Variants in SLC24A1 observed in about 807,000 individuals in gnomAD.
SLC24A1 encodes sodium/potassium/calcium exchanger 1.
Under a neutral mutation model 88.1 loss-of-function variants are expected in SLC24A1, and 52 were observed. The ratio of observed to expected loss-of-function variants is 0.59; its 90% CI spans 0.47 to 0.74. The LOEUF is 0.74. Among genes scored for constraint, SLC24A1 ranks in the 30% least tolerant of loss-of-function variants. SLC24A1 has a pLI of 0.00. For synonymous variants in SLC24A1, 455 were observed against 498.0 expected (o/e 0.91, Z 1.15); for missense variants, 1,173 against 1,363.3 (o/e 0.86, Z 2.20).
chr15:65,648,114 G>A (rs899230608), intron 6 of SLC24A1, among the ~76,000 whole-genome samples: 3 of 152,176 alleles, frequency 2.0e-5, no homozygotes, highest in Non-Finnish European at 4.4e-5. Context: ...CAAAAAATTA[G>A]CCAGGTGTGG....
rs1488449822 is a variant in SLC24A1, at chr15:65,644,528, AG to A, written c.2140+16del. On this transcript the variant is annotated intron_variant, in intron 5 of 9. Coordinates refer to ENST00000261892, the MANE Select transcript of SLC24A1 (RefSeq NM_004727.3). Reference sequence around the variant, plus strand: ...CAAACCAGAAGGTGAGAGGATGGCCAGACCAGTGGGTTTTCTCCTGCCCCCC... The same window carrying A: ...CAAACCAGAAGGTGAGAGGATGGCCAACCAGTGGGTTTTCTCCTGCCCCCC... The A allele has an allele frequency of 1.9e-6, 3 of 1,553,494 alleles. No individual in the cohort carries two copies. Among genetic ancestry groups the A allele is most frequent in the Non-Finnish European group, 2.6e-6 (3 of 1,144,552 alleles).
Position 65,625,801 on chromosome 15 carries a change from T to C in SLC24A1, c.1721T>C (p.Leu574Pro). 2.5e-6 allele frequency: 4 copies of C among 1,614,076 alleles called. No homozygotes were observed. The highest frequency in any genetic ancestry group is 3.4e-6 in the Non-Finnish European group (4 of 1,179,910). Residue 574 changes from leucine (L) to proline (P), a missense_variant, in exon 2 of 10, where the codon CTC (leucine) becomes CCC (proline). Leu to Pro is a moderately conservative substitution (Grantham distance 98). Coordinates refer to ENST00000261892, the MANE Select transcript of SLC24A1 (RefSeq NM_004727.3). ...ATCCTTGACCTGATAATGCTCATCC[T>C]CTTCTTCCTGGACAGCCTCATTGCC... ...FYILDLIMLILFFLDSLIAWW... is the reference protein window; with the variant it reads ...FYILDLIMLIPFFLDSLIAWW...
chr15:65,643,118 C>A, intron 4 of SLC24A1: 1 of 856,544 alleles, frequency 1.2e-6, no homozygotes, highest in Non-Finnish European at 1.7e-6. Flanking sequence ...CTGTTTTGAC[C>A]ATATTCATGT....
chr15:65,616,234 G>C (rs1359339081), intron 2 of SLC24A1, among the ~76,000 whole-genome samples: 1 of 152,052 alleles, frequency 6.6e-6, no homozygotes, highest in Non-Finnish European at 1.5e-5. Context: ...AATCCTTTGG[G>C]TATATATCCA....
intron 2 of SLC24A1, among the ~76,000 whole-genome samples, chr15:65,613,227 C>T (rs1019559345): frequency 6.6e-6 from 1 of 152,114 alleles, no homozygotes; most frequent in Admixed American, 6.5e-5. Context: ...TGCCTTGAAA[C>T]AGTGGACTGC....
intron 6 of SLC24A1, among the ~76,000 whole-genome samples, chr15:65,646,808 A>T (rs533857471): frequency 6.6e-6 from 1 of 152,218 alleles, no homozygotes; most frequent in Non-Finnish European, 1.5e-5. Flanking sequence ...GCTTGATTAT[A>T]TCTCATCCTT....
At position 65,654,307 on chromosome 15, in the gene SLC24A1, C is replaced by T; in HGVS notation, c.*228C>T. The T allele has an allele frequency of 1.5e-6, 2 of 1,346,060 alleles. No homozygotes were observed. The highest frequency in any genetic ancestry group is 1.9e-5 in the South Asian group (1 of 53,144). 83.4% of individuals were successfully genotyped at this position (1,346,060 alleles called of 1,614,324 possible). A position where few individuals can be genotyped will look rare whatever the true frequency, so the allele number is the denominator to read the frequency against. ...GGAGGGGTGGAGTTTCTACCCCTGA[C>T]TCATGCAGACATCTATTACATGGAG... On this transcript the variant is annotated 3_prime_UTR_variant, in exon 10 of 10. Transcript: ENST00000261892.
intron 7 of SLC24A1, among the ~76,000 whole-genome samples, chr15:65,651,362 A>G (rs2075498689): frequency 6.6e-6 from 1 of 152,200 alleles, no homozygotes; most frequent in African/African-American, 2.4e-5. Context: ...TGGTACAAGG[A>G]GGTTGCAAAA....
rs767508005 is a variant in SLC24A1 at position 65,625,691 on chromosome 15, CTT to C, written c.1613_1614del (p.Phe538CysfsTer23). On this transcript the variant is annotated frameshift_variant, in exon 2 of 10. Coordinates refer to ENST00000261892, the MANE Select transcript of SLC24A1 (RefSeq NM_004727.3). LOFTEE classifies it high-confidence loss of function. ...TGGGCTCTGCTGTGTTCAACATTCT[CTT>C]TGTCATTGGCACTTGTTCCCTCTTC... is the stretch of plus-strand genomic sequence containing the variant. ...IVGSAVFNIL[F>X]VIGTCSLFSR... The C allele has an allele frequency of 5.0e-6, 8 of 1,614,018 alleles. No homozygotes were observed. In the South Asian group the frequency reaches 7.7e-5, roughly 16 times the overall value.
At chr15:65,656,278 G>A, downstream of SLC24A1, 1 of 984,364 alleles carries the variant, frequency 1.0e-6, no homozygotes, top group Non-Finnish European at 1.2e-6. Context: ...TTCCCAGTTT[G>A]CTGAATTTCT....
chr15:65,660,196 A>C, downstream of SLC24A1: 1 of 956,304 alleles, frequency 1.0e-6, no homozygotes. Context: ...ATATGTGCCT[A>C]GCACCAGATT....
chr15:65,617,207 G>T (rs1256644720), upstream of SLC24A1, among the ~76,000 whole-genome samples: 1 of 152,162 alleles, frequency 6.6e-6, no homozygotes, highest in Non-Finnish European at 1.5e-5. Flanking sequence ...TCTTGGCAAC[G>T]TGGGCTCTTT....
chr15:65,635,461 A>G (rs984432348), intron 2 of SLC24A1, among the ~76,000 whole-genome samples: 23 of 148,528 alleles, frequency 1.5e-4, no homozygotes, highest in Non-Finnish European at 3.0e-4. Flanking sequence ...AAAAAAAAAA[A>G]AAAAAAAAAG....
chr15:65,627,039 CAG>C (rs2141483574), intron 2 of SLC24A1, among the ~76,000 whole-genome samples: 1 of 152,256 alleles, frequency 6.6e-6, no homozygotes, highest in Non-Finnish European at 1.5e-5. Flanking sequence ...CTACTTAATC[CAG>C]AGCAGTTTTG....
In SLC24A1 at chr15:65,625,842, C is replaced by A; in HGVS notation, c.1762C>A (p.Leu588Met). 2 of 1,613,788 alleles carry A rather than the reference C, an allele frequency of 1.2e-6. No homozygotes were observed. The highest frequency in any genetic ancestry group is 1.7e-6 in the Non-Finnish European group (2 of 1,179,794). ...DSLIAWWESL[L>M]LLLAYAFYVF... ...CCTCATTGCCTGGTGGGAGAGCCTGCTGCTGCTGCTGGCCTATGCCTTCTA... is the reference window on the plus strand; with the variant it reads ...CCTCATTGCCTGGTGGGAGAGCCTGATGCTGCTGCTGGCCTATGCCTTCTA... Residue 588 changes from leucine (L) to methionine (M), a missense_variant, in exon 2 of 10, where the codon CTG (leucine) becomes ATG (methionine). Coordinates refer to ENST00000261892, the MANE Select transcript of SLC24A1 (RefSeq NM_004727.3).
chr15:65,612,400 G>A (rs990917523), intron 1 of SLC24A1: 2 of 152,324 alleles, frequency 1.3e-5, no homozygotes, highest in African/African-American at 4.8e-5. Flanking sequence ...GCTTTGAACT[G>A]AACAGACAAA....
In SLC24A1 at chr15:65,654,262, G is replaced by A; in HGVS notation, c.*183G>A. Reference sequence around the variant, plus strand: ...CTTGGAAACACCTGCAGCTCATTGTGGATTAAGAACCTCACCCCTGGAGGG... The same window carrying A: ...CTTGGAAACACCTGCAGCTCATTGTAGATTAAGAACCTCACCCCTGGAGGG... On this transcript the variant is annotated 3_prime_UTR_variant, in exon 10 of 10. Transcript: ENST00000261892. 6.4e-6 allele frequency: 9 copies of A among 1,399,782 alleles called. No homozygotes were observed. Among genetic ancestry groups the A allele is most frequent in the Non-Finnish European group, 7.4e-6 (8 of 1,082,896 alleles). 86.7% of individuals were successfully genotyped at this position (1,399,782 alleles called of 1,614,324 possible).
intron 4 of SLC24A1, chr15:65,643,088 T>C: frequency 8.4e-7 from 1 of 1,185,992 alleles, no homozygotes; most frequent in Non-Finnish European, 1.1e-6. Context: ...AGTTATAGAG[T>C]GCTTTCTAGG....
chr15:65,637,103 C>CT lies in SLC24A1; in HGVS notation c.1891-1018dup, dbSNP rs1048480562. On this transcript the variant is annotated intron_variant, in intron 2 of 9. Coordinates refer to ENST00000261892, the MANE Select transcript of SLC24A1 (RefSeq NM_004727.3). ...TCATGCAGTGAAAAGTTAAACAGTG[C>CT]TTTTTTTAAAAAAAAAGTTCAAATG... Among the ~76,000 whole-genome samples the CT allele has an allele frequency of 2.1e-3, 313 of 151,942 alleles. 3 individuals carry two copies. The highest frequency in any genetic ancestry group is 7.2e-3 in the African/African-American group (297 of 41,392).
Sources: allele counts gnomAD v4.1 joint callset (sites outside exome capture counted in the v4.1 genomes callset), GRCh38; gene constraint gnomAD v4.1.1; transcripts MANE v1.5; gene names NCBI Gene and HGNC (gene_info 2026-07-23, HGNC 2026-07-21).